The following ST6GALNAC5 variants were observed in gnomAD, a reference collection of about 807,000 sequenced individuals.
ST6GALNAC5 encodes the protein ST6 N-acetylgalactosaminide alpha-2,6-sialyltransferase 5.
Under a neutral mutation model 33.6 loss-of-function variants are expected in ST6GALNAC5, and 27 were observed. That is an observed-to-expected ratio of 0.80 (90% CI 0.59 to 1.11). The LOEUF is 1.11. Among genes scored for constraint, ST6GALNAC5 ranks in the 50% least tolerant of loss-of-function variants. The pLI is 0.00. For missense variants in ST6GALNAC5, 428 were observed against 454.0 expected (o/e 0.94, Z 0.52); for synonymous variants, 194 against 171.2 (o/e 1.13, Z -1.04).
chr1:76,933,234 G>T (rs954846553), intron 2 of ST6GALNAC5, among the ~76,000 whole-genome samples: 3 of 151,990 alleles, frequency 2.0e-5, no homozygotes, highest in African/African-American at 7.2e-5. Flanking sequence ...TCTGGCAATA[G>T]TTACTACAAA....
chr1:76,970,276 C>T (rs1048478996), intron 2 of ST6GALNAC5, among the ~76,000 whole-genome samples: 1 of 151,746 alleles, frequency 6.6e-6, no homozygotes, highest in East Asian at 1.9e-4. Flanking sequence ...GGAGGATGTT[C>T]GAATCCATCA....
intron 2 of ST6GALNAC5, among the ~76,000 whole-genome samples, chr1:77,025,298 C>A (rs1053336493): frequency 6.6e-6 from 1 of 152,084 alleles, no homozygotes; most frequent in Admixed American, 6.5e-5. Context: ...TTTGGGAGAC[C>A]AAGGTGGGTG....
intron 2 of ST6GALNAC5, among the ~76,000 whole-genome samples, chr1:76,983,824 C>G (rs981090352): frequency 5.9e-5 from 9 of 152,276 alleles, no homozygotes; most frequent in African/African-American, 2.2e-4. Context: ...TCAGACCACA[C>G]TGCAATCAAA....
chr1:76,974,946 C>A (rs969711353), intron 2 of ST6GALNAC5, among the ~76,000 whole-genome samples: 2 of 151,134 alleles, frequency 1.3e-5, no homozygotes. Flanking sequence ...CCACCATGCC[C>A]GGCTAATTTT....
intron 2 of ST6GALNAC5, among the ~76,000 whole-genome samples, chr1:76,958,721 C>A (rs1648107771): frequency 6.6e-6 from 1 of 151,984 alleles, no homozygotes; most frequent in Non-Finnish European, 1.5e-5. Flanking sequence ...CATGGTATCT[C>A]CCCTGCCAGG....
At chr1:77,038,952 A>C (rs1418454971) in intron 2 of ST6GALNAC5, among the ~76,000 whole-genome samples, 1 of 152,216 alleles carries the variant, frequency 6.6e-6, no homozygotes, top group Admixed American at 6.5e-5. Flanking sequence ...TAAAATATTC[A>C]TGAGTCCTCC....
chr1:77,004,192 T>C (rs1650293134), intron 2 of ST6GALNAC5, among the ~76,000 whole-genome samples: 1 of 151,358 alleles, frequency 6.6e-6, no homozygotes, highest in African/African-American at 2.4e-5. Flanking sequence ...TTCTCATTTC[T>C]TTTTATTCTT....
At chr1:76,943,907 A>G (rs1373768012) in intron 2 of ST6GALNAC5, among the ~76,000 whole-genome samples, 1 of 152,128 alleles carries the variant, frequency 6.6e-6, no homozygotes, top group Non-Finnish European at 1.5e-5. Flanking sequence ...ATGTTGTTGG[A>G]TTTCTTTGGA....
chr1:76,886,843 T>C (rs1399329191), intron 2 of ST6GALNAC5, among the ~76,000 whole-genome samples: 2 of 152,208 alleles, frequency 1.3e-5, no homozygotes, highest in East Asian at 3.8e-4. Flanking sequence ...TAGCATAATG[T>C]TTTTTAAGGT....
At chr1:76,882,356 G>A (rs913577803) in intron 2 of ST6GALNAC5, among the ~76,000 whole-genome samples, 13 of 152,056 alleles carry the variant, frequency 8.5e-5, no homozygotes, top group Non-Finnish European at 1.6e-4. Context: ...TCTCCACAGT[G>A]GAGAAGAAAA....
chr1:76,880,410 T>C (rs926439676), intron 2 of ST6GALNAC5, among the ~76,000 whole-genome samples: 1 of 152,154 alleles, frequency 6.6e-6, no homozygotes, highest in African/African-American at 2.4e-5. Context: ...GCTACAAAAA[T>C]CTGTATTAGT....
At chr1:77,028,952 A>G (rs1385372595) in intron 2 of ST6GALNAC5, among the ~76,000 whole-genome samples, 2 of 152,178 alleles carry the variant, frequency 1.3e-5, no homozygotes, top group Non-Finnish European at 2.9e-5. Context: ...CTGGGAGTGC[A>G]TTTCAGATGA....
chr1:77,063,270 T>C lies in ST6GALNAC5; in HGVS notation c.*64T>C. 6.8e-7 allele frequency: 1 copy of C among 1,464,404 alleles called. No homozygotes were observed. Among genetic ancestry groups the C allele is most frequent in the East Asian group, 2.3e-5 (1 of 43,702 alleles). The allele number at this position is 1,464,404 out of a possible 1,614,324, so 90.7% of individuals were successfully genotyped here. On this transcript the variant is annotated 3_prime_UTR_variant, in exon 5 of 5. Transcript: ENST00000477717. ...GCATCAGACACCGAGACACTGAACT[T>C]CCTGAGCCACCAGACAGGAAAGGGT... is the stretch of plus-strand genomic sequence containing the variant.
intron 2 of ST6GALNAC5, among the ~76,000 whole-genome samples, chr1:76,954,278 A>C (rs1647864665): frequency 6.6e-6 from 1 of 152,172 alleles, no homozygotes; most frequent in Non-Finnish European, 1.5e-5. Context: ...TAATGCAGGA[A>C]CAGAAAACCA....
At chr1:77,047,458 G>T (rs781470734) in intron 3 of ST6GALNAC5, among the ~76,000 whole-genome samples, 1 of 152,160 alleles carries the variant, frequency 6.6e-6, no homozygotes, top group East Asian at 1.9e-4. Context: ...TCATGATCAG[G>T]ACTTTCCTTT....
chr1:76,944,348 T>C (rs371599859), intron 2 of ST6GALNAC5, among the ~76,000 whole-genome samples: 11 of 152,106 alleles, frequency 7.2e-5, no homozygotes, highest in Admixed American at 3.9e-4. Flanking sequence ...TGATACAGCA[T>C]GAAAAAGAGA....
chr1:76,986,166 G>T (rs1480173557), intron 2 of ST6GALNAC5, among the ~76,000 whole-genome samples: 1 of 152,130 alleles, frequency 6.6e-6, no homozygotes, highest in Non-Finnish European at 1.5e-5. Context: ...AGACAAATGG[G>T]ATCTAATTAA....
chr1:76,900,524 A>C (rs895178646), intron 2 of ST6GALNAC5, among the ~76,000 whole-genome samples: 1 of 152,246 alleles, frequency 6.6e-6, no homozygotes, highest in Non-Finnish European at 1.5e-5. Flanking sequence ...CTTTTGCAAA[A>C]TAAAATGTTT....
At position 77,000,554 on chromosome 1, in the gene ST6GALNAC5, G is replaced by T. The variant is rs978156723; in HGVS notation, c.262-43650G>T. ...CCATTGCTTTTGGTGTTTTGGACAT[G>T]AAGTCCTTGCCCATGCCTATGTCCT... is the stretch of plus-strand genomic sequence containing the variant. On this transcript the variant is annotated intron_variant, in intron 2 of 4. Transcript: ENST00000477717. Among the ~76,000 whole-genome samples the T allele has an allele frequency of 8.1e-4, 118 of 144,908 alleles. 1 individual carries two copies. The highest frequency in any genetic ancestry group is 2.8e-3 in the African/African-American group (113 of 39,722).
Sources: gnomAD v4.1 joint callset for allele counts (sites outside exome capture counted in the v4.1 genomes callset) on GRCh38, gnomAD v4.1.1 for gene constraint, MANE v1.5 for transcripts, NCBI Gene and HGNC (gene_info 2026-07-23, HGNC 2026-07-21) for gene names.